The following NAV2 variants were observed in gnomAD, a reference collection of about 807,000 sequenced individuals.
NAV2 encodes the protein helicase, APC down-regulated 1.
NAV2 carries 54 observed loss-of-function variants against 223.2 expected under a neutral mutation model. The ratio of observed to expected loss-of-function variants is 0.24; its 90% confidence interval spans 0.19 to 0.30. The LOEUF (loss-of-function observed/expected upper bound fraction) is 0.30. Among genes scored for constraint, NAV2 ranks in the 10% least tolerant of loss-of-function variants. The pLI, the probability that NAV2 is intolerant of heterozygous loss-of-function variation, is 1.00. For missense variants in NAV2, 2,806 were observed against 3,147.5 expected (o/e 0.89, Z 2.60); for synonymous variants, 1,279 against 1,239.3 (o/e 1.03, Z -0.67).
chr11:19,725,900 T>TTA (rs2051193509), intron 1 of NAV2, among the ~76,000 whole-genome samples: 1 of 152,216 alleles, frequency 6.6e-6, no homozygotes, highest in African/African-American at 2.4e-5. Flanking sequence ...CATTGCTGTT[T>TTA]TTAAGAGTGT....
At position 19,427,338 on chromosome 11, in the gene NAV2, C is replaced by CCTT. The variant is rs138484206; in HGVS notation, c.75+76316_75+76318dup. On this transcript the variant is annotated intron_variant, in intron 1 of 37. Transcript: ENST00000360655. ...ACAGCAGGCTTGCAATTGTGCTGGT[C>CCTT]CTTCTTCCTTCTGCTTCCCTTTCTT... Among the ~76,000 whole-genome samples the CCTT allele has an allele frequency of 1.3e-3, 198 of 152,328 alleles. 1 individual carries two copies. The highest frequency in any genetic ancestry group is 4.4e-3 in the African/African-American group (184 of 41,570).
intron 1 of NAV2, among the ~76,000 whole-genome samples, chr11:19,451,519 A>G (rs1029151570): frequency 2.6e-5 from 4 of 152,204 alleles, no homozygotes; most frequent in African/African-American, 9.6e-5. Flanking sequence ...CTCTAAACAA[A>G]CAGCAGTGGG....
At chr11:19,653,391 G>T (rs540398649) in intron 1 of NAV2, among the ~76,000 whole-genome samples, 3 of 152,346 alleles carry the variant, frequency 2.0e-5, no homozygotes, top group Non-Finnish European at 2.9e-5. Flanking sequence ...ACAAGAGGAA[G>T]AGAACTAACA....
intron 1 of NAV2, among the ~76,000 whole-genome samples, chr11:19,487,536 C>T (rs887345940): frequency 6.6e-5 from 10 of 152,176 alleles, no homozygotes; most frequent in Non-Finnish European, 7.4e-5. Context: ...CTGTGACTTG[C>T]ATCCTGCGGA....
intron 1 of NAV2, among the ~76,000 whole-genome samples, chr11:19,415,679 G>A (rs1304188568): frequency 7.9e-5 from 12 of 152,124 alleles, no homozygotes; most frequent in South Asian, 6.2e-4. Context: ...GATGAACATC[G>A]ATGCAAAAAT....
intron 1 of NAV2, among the ~76,000 whole-genome samples, chr11:19,568,867 C>A (rs2045346662): frequency 6.6e-6 from 1 of 152,198 alleles, no homozygotes; most frequent in African/African-American, 2.4e-5. Context: ...GTTATTGGGC[C>A]AAAGTCATTA....
chr11:19,508,651 C>G (rs2043191184), intron 1 of NAV2, among the ~76,000 whole-genome samples: 1 of 152,184 alleles, frequency 6.6e-6, no homozygotes, highest in African/African-American at 2.4e-5. Context: ...TCCTGTACTC[C>G]AACAGCCACC....
At chr11:19,837,105 G>T (rs1405190456) in intron 2 of NAV2, among the ~76,000 whole-genome samples, 1 of 152,132 alleles carries the variant, frequency 6.6e-6, no homozygotes, top group Non-Finnish European at 1.5e-5. Flanking sequence ...TCCTCCCCTT[G>T]GTAGTGTCAT....
chr11:19,694,614 A>C (rs1175561380), intron 1 of NAV2, among the ~76,000 whole-genome samples: 3 of 152,196 alleles, frequency 2.0e-5, no homozygotes, highest in Non-Finnish European at 4.4e-5. Context: ...ATTATCCTGA[A>C]CTGGCCATTC....
intron 1 of NAV2, among the ~76,000 whole-genome samples, chr11:19,682,083 C>G (rs2048894948): frequency 6.6e-6 from 1 of 152,132 alleles, no homozygotes; most frequent in South Asian, 2.1e-4. Flanking sequence ...GCATCAGGCA[C>G]AGCACCTGGA....
At chr11:19,369,891 G>A (rs2133850114) in intron 1 of NAV2, among the ~76,000 whole-genome samples, 1 of 152,264 alleles carries the variant, frequency 6.6e-6, no homozygotes, top group South Asian at 2.1e-4. Context: ...TTCCAATCAA[G>A]TCTTTTGAAT....
intron 10 of NAV2, among the ~76,000 whole-genome samples, chr11:19,956,654 G>A (rs71488725): frequency 0.034 from 5,249 of 152,242 alleles, 110 homozygotes; most frequent in Non-Finnish European, 0.047. Flanking sequence ...GGGCGGTGCA[G>A]AGCTTCCATG....
rs377062507 is a variant in NAV2, at chr11:20,054,117, G to A, written c.4519G>A (p.Ala1507Thr). 2 of 1,612,530 alleles carry A rather than the reference G, an allele frequency of 1.2e-6. No individual in the cohort carries two copies. Among genetic ancestry groups the A allele is most frequent in the Non-Finnish European group, 1.7e-6 (2 of 1,179,756 alleles). ...PTSQLRTQED[A>T]KEWLRSHSAG... ...CTCCCAGCTTCGCACGCAAGAAGAT[G>A]CAAAAGAATGGTTACGGTCCCATTC... Residue 1507 changes from alanine to threonine, a missense_variant, in exon 18 of 38, where the codon GCA becomes ACA. By Grantham distance (58) the Ala-to-Thr change is moderately conservative (BLOSUM62 0). Around this residue, in one of 4 missense-constraint regions of NAV2, gnomAD observed 742 missense variants for 777.9 expected, o/e 0.95. Transcript: ENST00000349880.
At chr11:19,394,002 C>A (rs1213083209) in intron 1 of NAV2, among the ~76,000 whole-genome samples, 1 of 147,804 alleles carries the variant, frequency 6.8e-6, no homozygotes, top group Non-Finnish European at 1.5e-5. Context: ...AAACTGTAAA[C>A]CTGGAACGTT....
At chr11:19,563,850 G>C (rs1176207382) in intron 1 of NAV2, among the ~76,000 whole-genome samples, 1 of 152,156 alleles carries the variant, frequency 6.6e-6, no homozygotes, top group Non-Finnish European at 1.5e-5. Context: ...CTACCTCACA[G>C]GGTTATTGAG....
At chr11:19,424,263 C>T (rs1006846206) in intron 1 of NAV2, among the ~76,000 whole-genome samples, 3 of 152,128 alleles carry the variant, frequency 2.0e-5, no homozygotes, top group Non-Finnish European at 4.4e-5. Flanking sequence ...GTATTGTTTT[C>T]CCCTTTATTT....
At chr11:19,611,422 C>T (rs2046640766) in intron 1 of NAV2, among the ~76,000 whole-genome samples, 1 of 152,164 alleles carries the variant, frequency 6.6e-6, no homozygotes, top group Non-Finnish European at 1.5e-5. Context: ...CCCAACAGTC[C>T]ACAATCCAAC....
At chr11:19,801,896 A>C (rs931432864) in intron 1 of NAV2, among the ~76,000 whole-genome samples, 3 of 152,188 alleles carry the variant, frequency 2.0e-5, no homozygotes, top group Non-Finnish European at 2.9e-5. Context: ...GGTGTATGCC[A>C]CATAGTGTGT....
At chr11:20,102,145 T>C (rs10833243) in intron 32 of NAV2, among the ~76,000 whole-genome samples, 32,436 of 152,060 alleles carry the variant, frequency 0.21, 3,781 homozygotes, top group South Asian at 0.41. Context: ...GAACTTCTCC[T>C]GGGACCAGTA....
Sources: gnomAD v4.1 joint callset for allele counts (sites outside exome capture counted in the v4.1 genomes callset) on GRCh38, gnomAD v4.1.1 for gene constraint, gnomAD v4.1.1 regional missense constraint, MANE v1.5 for transcripts, NCBI Gene and HGNC (gene_info 2026-07-23, HGNC 2026-07-21) for gene names.